The following KCND2 variants were observed in gnomAD, a reference collection of about 807,000 sequenced individuals.
The protein encoded by KCND2 is A-type voltage-gated potassium channel KCND2.
Under a neutral mutation model 54.4 loss-of-function variants are expected in KCND2, and 16 were observed. That is an observed-to-expected ratio of 0.29 (90% confidence interval 0.20 to 0.45). The LOEUF (loss-of-function observed/expected upper bound fraction) is 0.45, where lower values mean the gene tolerates loss of function less well. KCND2 is among the 20% of genes least tolerant of loss of function. The pLI, the probability that KCND2 is intolerant of heterozygous loss-of-function variation, is 1.00. For missense variants in KCND2, 486 were observed against 824.2 expected, an observed-to-expected ratio of 0.59 and a Z score of 5.02; for synonymous variants, 317 against 310.7, an observed-to-expected ratio of 1.02 and a Z score of -0.21.
At chr7:120,709,691 A>G (rs939467692) in intron 1 of KCND2, among the ~76,000 whole-genome samples, 1 of 152,126 alleles carries the variant, frequency 6.6e-6, no homozygotes, top group Non-Finnish European at 1.5e-5. Context: ...CCTTCTTTAT[A>G]TGTTTGAAGC....
chr7:120,480,065 C>T (rs572676689), intron 1 of KCND2, among the ~76,000 whole-genome samples: 1 of 150,184 alleles, frequency 6.7e-6, no homozygotes, highest in African/African-American at 2.4e-5. Flanking sequence ...TTATAATGAA[C>T]TTATAACATC....
intron 1 of KCND2, among the ~76,000 whole-genome samples, chr7:120,437,204 C>CTTTTT (rs66518858): frequency 0.01 from 1,311 of 130,366 alleles, 46 homozygotes; most frequent in African/African-American, 0.036. Flanking sequence ...CAATATACAA[C>CTTTTT]TTTTTTTTTT....
intron 1 of KCND2, among the ~76,000 whole-genome samples, chr7:120,652,325 T>C (rs1410213953): frequency 2.6e-5 from 4 of 152,098 alleles, no homozygotes; most frequent in Admixed American, 6.5e-5. Context: ...CCACTTGCCT[T>C]GGTCTCCCAA....
At chr7:120,704,509 T>C (rs1792441750) in intron 1 of KCND2, among the ~76,000 whole-genome samples, 1 of 152,192 alleles carries the variant, frequency 6.6e-6, no homozygotes. Flanking sequence ...TCACAGCTCC[T>C]AAGTATTTAT....
At chr7:120,397,993 G>GTATATATA (rs1270652807) in intron 1 of KCND2, among the ~76,000 whole-genome samples, 1 of 39,984 alleles carries the variant, frequency 2.5e-5, no homozygotes, top group African/African-American at 5.0e-5. Context: ...GTGTGTGTGT[G>GTATATATA]TGTATATATA....
chr7:120,483,245 A>G (rs143429474), intron 1 of KCND2, among the ~76,000 whole-genome samples: 1 of 152,308 alleles, frequency 6.6e-6, no homozygotes, highest in African/African-American at 2.4e-5. Flanking sequence ...TGAAAGGTAT[A>G]TGGCTTTCAA....
At chr7:120,523,309 C>T (rs1791722805) in intron 1 of KCND2, among the ~76,000 whole-genome samples, 1 of 151,874 alleles carries the variant, frequency 6.6e-6, no homozygotes, top group Non-Finnish European at 1.5e-5. Context: ...AAACAAAATT[C>T]TGCACGTGTT....
chr7:120,564,097 A>G (rs907929762), intron 1 of KCND2, among the ~76,000 whole-genome samples: 1 of 152,190 alleles, frequency 6.6e-6, no homozygotes, highest in East Asian at 1.9e-4. Context: ...ATAACTTTCC[A>G]CAAGCCTTTG....
intron 1 of KCND2, among the ~76,000 whole-genome samples, chr7:120,545,521 C>G (rs959741035): frequency 6.6e-6 from 1 of 151,620 alleles, no homozygotes; most frequent in African/African-American, 2.4e-5. Flanking sequence ...GAAATAGATC[C>G]CAGGTCAGCA....
chr7:120,316,019 CTTAAACATTCA>C (rs1184085980), intron 1 of KCND2, among the ~76,000 whole-genome samples: 1 of 151,824 alleles, frequency 6.6e-6, no homozygotes, highest in Non-Finnish European at 1.5e-5. Context: ...TCATACATAC[CTTAAACATTCA>C]TTGATGGTGC....
At chr7:120,318,522 T>C (rs60029532) in intron 1 of KCND2, among the ~76,000 whole-genome samples, 1 of 152,094 alleles carries the variant, frequency 6.6e-6, no homozygotes, top group Non-Finnish European at 1.5e-5. Flanking sequence ...ACAACACTTA[T>C]GTGTTTGGCA....
chr7:120,419,642 ACATGTACATG>A (rs775226424), intron 1 of KCND2, among the ~76,000 whole-genome samples: 220 of 152,300 alleles, frequency 1.4e-3, no homozygotes, highest in Non-Finnish European at 2.5e-3. Flanking sequence ...TATATATTTT[ACATGTACATG>A]CATGTATGTG....
At chr7:120,284,334 GT>G (rs1378959629) in intron 1 of KCND2, among the ~76,000 whole-genome samples, 5 of 151,858 alleles carry the variant, frequency 3.3e-5, no homozygotes, top group Non-Finnish European at 7.4e-5. Flanking sequence ...CCATTCGCTG[GT>G]TTCCTTTCGT....
intron 1 of KCND2, among the ~76,000 whole-genome samples, chr7:120,406,416 A>G (rs1163964388): frequency 1.3e-5 from 2 of 152,018 alleles, no homozygotes; most frequent in Non-Finnish European, 1.5e-5. Context: ...TTTAGAGGGA[A>G]CAACAAAATA....
chr7:120,397,192 A>G (rs1801167354), intron 1 of KCND2, among the ~76,000 whole-genome samples: 1 of 152,048 alleles, frequency 6.6e-6, no homozygotes. Context: ...TAAACAACTA[A>G]TATTAGCACA....
chr7:120,604,481 T>C (rs4593467), intron 1 of KCND2, among the ~76,000 whole-genome samples: 137,976 of 149,622 alleles, frequency 0.92, 64,225 homozygotes, highest in Middle Eastern at 0.99. Context: ...CCAGCCTGGG[T>C]GACAGAGCAA....
At chr7:120,510,845 CCTT>C (rs1012201238) in intron 1 of KCND2, among the ~76,000 whole-genome samples, 26 of 152,060 alleles carry the variant, frequency 1.7e-4, no homozygotes, top group Middle Eastern at 3.4e-3. Flanking sequence ...CGTCCCTCCT[CCTT>C]CTACCCCCAA....
chr7:120,612,430 G>A (rs1380451674), intron 1 of KCND2, among the ~76,000 whole-genome samples: 3 of 152,160 alleles, frequency 2.0e-5, no homozygotes, highest in Admixed American at 2.0e-4. Flanking sequence ...TAGCACATAA[G>A]TTGTTTTGCT....
intron 1 of KCND2, among the ~76,000 whole-genome samples, chr7:120,581,667 G>A (rs892766799): frequency 6.6e-6 from 1 of 152,130 alleles, no homozygotes; most frequent in Non-Finnish European, 1.5e-5. Flanking sequence ...ATTAGGGAAG[G>A]TGAACAGGCA....
Sources: allele counts gnomAD v4.1 joint callset (sites outside exome capture counted in the v4.1 genomes callset), GRCh38; gene constraint gnomAD v4.1.1; transcripts MANE v1.5; gene names NCBI Gene and HGNC (gene_info 2026-07-23, HGNC 2026-07-21).